The following MYO16 variants were observed in gnomAD, a reference collection of about 807,000 sequenced individuals.
The protein encoded by MYO16 is myosin XVI, also known as unconventional myosin-XVI.
A neutral mutation model predicts 205.3 loss-of-function variants in MYO16; 94 were observed. That is an observed-to-expected ratio of 0.46 (90% CI 0.39 to 0.54). MYO16 has a LOEUF of 0.54. Ranked by LOEUF, MYO16 falls within the 20% of genes least tolerant of loss-of-function variation. The pLI is 0.00. For missense variants in MYO16, 2,315 were observed against 2,387.5 expected, an observed-to-expected ratio of 0.97 and a Z score of 0.63; for synonymous variants, 988 against 954.0, an observed-to-expected ratio of 1.04 and a Z score of -0.66.
At position 109,019,876 on chromosome 13, in the gene MYO16, G is replaced by A. The variant is rs775854382; in HGVS notation, c.2761G>A (p.Gly921Ser). 2.0e-5 allele frequency: 33 copies of A among 1,613,978 alleles called. No homozygotes were observed. The highest frequency in any genetic ancestry group is 2.5e-5 in the Non-Finnish European group (30 of 1,179,998). The change falls in exon 23 of 35, where the codon GGT (glycine) becomes AGT (serine). Residue 921 changes from glycine (G) to serine (S), a missense_variant. Physicochemically the swap from Gly to Ser is moderately conservative, Grantham distance 56. Coordinates refer to ENST00000457511, the MANE Select transcript of MYO16 (RefSeq NM_001198950.3). ...TGGGAATGTTGCCCTCAAAGACCACGGTACAGCCTTCACCATCATGCACTA... is the reference window on the plus strand; with the variant it reads ...TGGGAATGTTGCCCTCAAAGACCACAGTACAGCCTTCACCATCATGCACTA... The part of the protein sequence containing the change: ...GNGNVALKDH[G>S]TAFTIMHYAG...
chr13:108,539,183 G>A, the MYO16 span, among the ~76,000 whole-genome samples: 17 of 152,170 alleles, frequency 1.1e-4, no homozygotes, highest in Admixed American at 2.6e-4. Context: ...ATCAGTATTT[G>A]CCAAAAATTC....
intron 9 of MYO16, among the ~76,000 whole-genome samples, chr13:108,824,168 T>C (rs1048859773): frequency 6.6e-5 from 10 of 152,040 alleles, no homozygotes; most frequent in Non-Finnish European, 1.3e-4. Context: ...AGAAATTGTG[T>C]ACCCAGAGCA....
At chr13:108,615,399 C>A (rs925517788) in intron 1 of MYO16, among the ~76,000 whole-genome samples, 2 of 151,954 alleles carry the variant, frequency 1.3e-5, no homozygotes, top group African/African-American at 4.8e-5. Flanking sequence ...GGCAGTTCTG[C>A]GAAATTTTTA....
chr13:108,587,703 A>C, the MYO16 span, among the ~76,000 whole-genome samples: 3 of 152,176 alleles, frequency 2.0e-5, no homozygotes, highest in Non-Finnish European at 4.4e-5. Context: ...AACATTATAC[A>C]TATATAACCA....
At chr13:109,060,398 A>G (rs1354912953) in intron 27 of MYO16, among the ~76,000 whole-genome samples, 15 of 150,906 alleles carry the variant, frequency 9.9e-5, no homozygotes, top group Admixed American at 9.9e-4. Flanking sequence ...AAAACCAAAC[A>G]CTGCATGTTC....
intron 34 of MYO16, chr13:109,201,421 T>C (rs1481438677): frequency 6.7e-6 from 1 of 150,026 alleles, no homozygotes; most frequent in Non-Finnish European, 1.5e-5. Flanking sequence ...TACCCATGGG[T>C]TTACTAATTC....
intron 1 of MYO16, among the ~76,000 whole-genome samples, chr13:108,604,415 G>A (rs1878876647): frequency 6.6e-6 from 1 of 152,180 alleles, no homozygotes; most frequent in Non-Finnish European, 1.5e-5. Context: ...GAATGCAGTA[G>A]TAACACCAAG....
intron 28 of MYO16, among the ~76,000 whole-genome samples, chr13:109,105,281 G>T (rs1207892402): frequency 6.6e-6 from 1 of 152,188 alleles, no homozygotes; most frequent in Non-Finnish European, 1.5e-5. Flanking sequence ...GACCAGTCTG[G>T]CCAACATGGT....
chr13:108,825,677 G>T (rs967472493), intron 9 of MYO16, among the ~76,000 whole-genome samples: 3 of 151,808 alleles, frequency 2.0e-5, no homozygotes, highest in Non-Finnish European at 2.9e-5. Flanking sequence ...CTTGTGTATA[G>T]AAAATTCTAA....
At chr13:109,075,813 T>C (rs985560597) in intron 27 of MYO16, among the ~76,000 whole-genome samples, 46 of 152,042 alleles carry the variant, frequency 3.0e-4, no homozygotes, top group African/African-American at 1.1e-3. Flanking sequence ...GTGTATTGGA[T>C]ATTCAATTGG....
At chr13:108,674,189 G>T (rs1882107792) in intron 2 of MYO16, among the ~76,000 whole-genome samples, 1 of 152,048 alleles carries the variant, frequency 6.6e-6, no homozygotes, top group Admixed American at 6.5e-5. Context: ...TGAGGTCAAA[G>T]AACAAATTTC....
the MYO16 span, among the ~76,000 whole-genome samples, chr13:108,499,190 A>C: frequency 6.6e-6 from 1 of 152,244 alleles, no homozygotes; most frequent in African/African-American, 2.4e-5. Context: ...GAATGTGCTA[A>C]ATAATTTTCA....
rs535662111 is a variant in MYO16 at position 108,794,014 on chromosome 13, C to T, written c.741+374C>T. Among the ~76,000 whole-genome samples, 9 of 152,282 alleles carry T rather than the reference C, an allele frequency of 5.9e-5. No homozygotes were observed. The East Asian group carries it at 1.2e-3, about 20-fold the overall frequency. On this transcript the variant is annotated intron_variant, in intron 6 of 34. Transcript: ENST00000457511. ...TACACAGCTGTGAAAAGAACAAAAC[C>T]ATGTCCTTCATAGCCACATGGATGC...
intron 1 of MYO16, among the ~76,000 whole-genome samples, chr13:108,602,990 G>C (rs1453537891): frequency 6.6e-6 from 1 of 152,162 alleles, no homozygotes; most frequent in African/African-American, 2.4e-5. Context: ...TGGTTAAGCA[G>C]TATGTGGTTT....
At chr13:109,197,391 T>C (rs941615741) in intron 34 of MYO16, among the ~76,000 whole-genome samples, 3 of 152,184 alleles carry the variant, frequency 2.0e-5, no homozygotes, top group Non-Finnish European at 2.9e-5. Flanking sequence ...GAGTTGCCCA[T>C]TTACCCCCAA....
intron 8 of MYO16, 35 bp downstream of exon 8, chr13:108,820,447 T>C: frequency 6.6e-7 from 1 of 1,522,744 alleles, no homozygotes; most frequent in Non-Finnish European, 9.0e-7. Context: ...ATTGAGCAGG[T>C]ACTGTTTTCT....
intron 2 of MYO16, among the ~76,000 whole-genome samples, chr13:108,689,727 C>T (rs943068868): frequency 2.6e-5 from 4 of 151,462 alleles, no homozygotes; most frequent in African/African-American, 9.7e-5. Context: ...AAAAAAATAG[C>T]AGCAAAGAAG....
intron 28 of MYO16, among the ~76,000 whole-genome samples, chr13:109,107,808 T>TTTATATTATA (rs1264152970): frequency 5.2e-5 from 3 of 57,608 alleles, no homozygotes; most frequent in Non-Finnish European, 1.1e-4. Context: ...ACCATATATA[T>TTTATATTATA]TCATATTATA....
intron 1 of MYO16, among the ~76,000 whole-genome samples, chr13:108,653,986 C>T (rs1299670041): frequency 1.3e-5 from 2 of 152,024 alleles, no homozygotes; most frequent in Non-Finnish European, 2.9e-5. Context: ...ATTATCATTC[C>T]AATCCACTTT....
Sources: allele counts gnomAD v4.1 joint callset (sites outside exome capture counted in the v4.1 genomes callset), GRCh38; gene constraint gnomAD v4.1.1; transcripts MANE v1.5; gene names NCBI Gene and HGNC (gene_info 2026-07-23, HGNC 2026-07-21).